ANXA8L1: variants seen among roughly 807,000 people sequenced by gnomAD.
The protein encoded by ANXA8L1 is annexin A8-like protein 1.
Under a neutral mutation model 22.5 loss-of-function variants are expected in ANXA8L1, and 10 were observed. The observed-to-expected ratio is 0.44, with a 90% CI of 0.27 to 0.75. ANXA8L1 has a LOEUF of 0.75. ANXA8L1 is among the 30% of genes least tolerant of loss of function. ANXA8L1 has a pLI of 0.15. For missense variants in ANXA8L1, 88 were observed against 219.6 expected, an observed-to-expected ratio of 0.40 and a Z score of 3.79; for synonymous variants, 36 against 86.0, an observed-to-expected ratio of 0.42 and a Z score of 3.22.
In ANXA8L1 at chr10:46,389,873, C is replaced by T. The variant is rs2801064; in HGVS notation, c.925-998C>T. 2.4e-3 allele frequency among the ~76,000 whole-genome samples: 364 copies of T among 151,066 alleles called. 7 individuals carry two copies. The highest frequency in any genetic ancestry group is 0.014 in the Middle Eastern group (4 of 292). On this transcript the variant is annotated intron_variant, in intron 11 of 11. Coordinates refer to ENST00000619162, the MANE Select transcript of ANXA8L1 (RefSeq NM_001098845.3). ...CTCCAGCCTGGGTGACAGAGTGAGA[C>T]CGTGTCTAGAAAGGAAAAAGTTAAA... is the stretch of plus-strand genomic sequence containing the variant.
At chr10:46,390,512 G>A (rs1317499310) in intron 11 of ANXA8L1, among the ~76,000 whole-genome samples, 1 of 143,932 alleles carries the variant, frequency 6.9e-6, no homozygotes, top group Non-Finnish European at 1.5e-5. Context: ...GCCACAGCAG[G>A]TGTTGAATAA....
chr10:46,381,194 C>CCAAGA lies in ANXA8L1; in HGVS notation c.161_162insCAAGA (p.Gln55LysfsTer23). ...GATGTGCTCACCAAGAGAAGCAACA[C>CCAAGA]GCAGCGGCAGCAGATCGCCAAGTCC... is the stretch of plus-strand genomic sequence containing the variant. On this transcript the variant is annotated frameshift_variant, in exon 3 of 12. Coordinates refer to ENST00000619162, the MANE Select transcript of ANXA8L1 (RefSeq NM_001098845.3). LOFTEE classifies it high-confidence loss of function. The CCAAGA allele has an allele frequency of 1.3e-6, 1 of 744,718 alleles. No homozygotes were observed. The highest frequency in any genetic ancestry group is 1.9e-6 in the Non-Finnish European group (1 of 519,372). The allele number at this position is 744,718 out of a possible 1,614,324, so 46.1% of individuals were successfully genotyped here.
At chr10:46,376,226 GCACACA>G in intron 1 of ANXA8L1, among the ~76,000 whole-genome samples, 1 of 135,282 alleles carries the variant, frequency 7.4e-6, no homozygotes, top group Non-Finnish European at 1.6e-5. Context: ...TGTATGGGGT[GCACACA>G]CGTGTGCATT....
At chr10:46,389,495 G>C (rs1328140516) in intron 11 of ANXA8L1, among the ~76,000 whole-genome samples, 3 of 150,412 alleles carry the variant, frequency 2.0e-5, no homozygotes, top group African/African-American at 7.5e-5. Context: ...TGTTACTTAA[G>C]AAAATTGAGT....
At chr10:46,385,036 G>T (rs1266046860) in intron 7 of ANXA8L1, among the ~76,000 whole-genome samples, 1 of 120,194 alleles carries the variant, frequency 8.3e-6, no homozygotes, top group African/African-American at 3.5e-5. Flanking sequence ...GGGTGGGGGA[G>T]CACTAAAGCT....
At chr10:46,389,754 C>T (rs1462329431) in intron 11 of ANXA8L1, among the ~76,000 whole-genome samples, 1 of 151,526 alleles carries the variant, frequency 6.6e-6, no homozygotes, top group Non-Finnish European at 1.5e-5. Context: ...TAGTGGCCCA[C>T]ACCTGTAATC....
In ANXA8L1 at chr10:46,375,859, G is replaced by C. The variant is rs1212253751; in HGVS notation, c.8G>C (p.Trp3Ser). The change falls in exon 1 of 12, where the codon TGG becomes TCG. Residue 3 changes from tryptophan to serine, a missense_variant. Coordinates refer to ENST00000619162, the MANE Select transcript of ANXA8L1 (RefSeq NM_001098845.3). ...GCCCCCGAAGTGAAAGAGATGGCCT[G>C]GTGGAAAGCCTGGGTAAGTGGGAGC... MA[W>S]WKAWIEQEGV... 6.3e-7 allele frequency: 1 copy of C among 1,596,060 alleles called. No individual in the cohort carries two copies. The highest frequency in any genetic ancestry group is 1.1e-5 in the South Asian group (1 of 90,344).
intron 1 of ANXA8L1, among the ~76,000 whole-genome samples, chr10:46,377,808 G>A (rs1395572873): frequency 0.21 from 25,034 of 118,834 alleles, 1,272 homozygotes; most frequent in East Asian, 0.39. Flanking sequence ...ACGTAGCAGG[G>A]GAAGGCCAAG....
chr10:46,384,887 G>A (rs1310268510), intron 7 of ANXA8L1, 54 bp downstream of exon 7: 16 of 1,609,566 alleles, frequency 9.9e-6, no homozygotes, highest in East Asian at 8.9e-5. Flanking sequence ...TCTGGACTCC[G>A]GCTCCTCTGC....
chr10:46,377,754 GTCTC>G (rs1418636930), intron 1 of ANXA8L1, among the ~76,000 whole-genome samples: 14 of 116,164 alleles, frequency 1.2e-4, no homozygotes, highest in Non-Finnish European at 2.0e-4. Context: ...TTTCCTCTGT[GTCTC>G]TCATAGAGAC....
At chr10:46,378,938 G>A (rs1299294285) in intron 1 of ANXA8L1, among the ~76,000 whole-genome samples, 3 of 134,010 alleles carry the variant, frequency 2.2e-5, no homozygotes, top group African/African-American at 6.5e-5. Context: ...GGATGGGTGG[G>A]TGGATGGATG....
intron 11 of ANXA8L1, among the ~76,000 whole-genome samples, chr10:46,390,254 A>C (rs1840064806): frequency 6.7e-6 from 1 of 150,168 alleles, no homozygotes; most frequent in African/African-American, 2.5e-5. Flanking sequence ...CAGGAGACAA[A>C]CACTGTGGAC....
intron 11 of ANXA8L1, among the ~76,000 whole-genome samples, chr10:46,390,041 C>A (rs1269981349): frequency 1.3e-5 from 2 of 150,592 alleles, no homozygotes; most frequent in African/African-American, 4.9e-5. Flanking sequence ...CAGTCTACCC[C>A]TTACTCACCA....
chr10:46,389,156 C>G, intron 11 of ANXA8L1, among the ~76,000 whole-genome samples: 1 of 108,218 alleles, frequency 9.2e-6, no homozygotes, highest in Non-Finnish European at 1.9e-5. Context: ...CTGCAAATGT[C>G]GTTGTTAAGT....
chr10:46,389,806 C>T (rs1328574009), intron 11 of ANXA8L1, among the ~76,000 whole-genome samples: 13 of 151,526 alleles, frequency 8.6e-5, no homozygotes, highest in Non-Finnish European at 1.6e-4. Flanking sequence ...CGCTTGAGCC[C>T]AGGAGTCCAA....
rs1840024308 is a variant in ANXA8L1, at chr10:46,385,352, T to A, written c.553-28T>A. The A allele has an allele frequency of 1.8e-5, 14 of 783,530 alleles. 1 individual carries two copies. Among genetic ancestry groups the A allele is most frequent in the Middle Eastern group, 7.8e-4 (2 of 2,572 alleles). The allele number at this position is 783,530 out of a possible 1,614,324, so 48.5% of individuals were successfully genotyped here. ...CCCTCACCTCCCTGGTCTCCCTCAC[T>A]GGCTTATTGTGGGTGTCCCAATGCT... On this transcript the variant is annotated intron_variant, in intron 7 of 11. Transcript: ENST00000619162.
chr10:46,383,178 T>A (rs1839996906), intron 4 of ANXA8L1, among the ~76,000 whole-genome samples: 1 of 124,854 alleles, frequency 8.0e-6, no homozygotes, highest in South Asian at 2.8e-4. Flanking sequence ...TATTCCTGTT[T>A]ATGGATCGGG....
rs77623921 is a variant in ANXA8L1, at chr10:46,384,806, C to T, written c.525C>T (p.Asp175=). 230,932 of 1,595,612 alleles carry T rather than the reference C, an allele frequency of 0.14. 8,957 individuals are homozygous for T. The highest frequency in any genetic ancestry group is 0.15 in the South Asian group (13,628 of 89,908). ...GGGATGATGTGAGCAGCTTTGTGGA[C>T]CCGGCACTGGCCCTCCAAGACGCAC... is the stretch of plus-strand genomic sequence containing the variant. The part of the protein sequence containing the change: ...GSRDDVSSFV[D]PALALQDAQD... Residue 175 remains aspartate, a synonymous_variant, in exon 7 of 12, where the codon GAC becomes GAT. Transcript: ENST00000619162.
intron 1 of ANXA8L1, among the ~76,000 whole-genome samples, chr10:46,377,835 G>T (rs1470118905): frequency 8.2e-6 from 1 of 121,836 alleles, no homozygotes; most frequent in Non-Finnish European, 1.7e-5. Context: ...CAGCTCCCCT[G>T]TGCCTGTCAC....
Sources: allele counts gnomAD v4.1 joint callset (sites outside exome capture counted in the v4.1 genomes callset), GRCh38; gene constraint gnomAD v4.1.1; transcripts MANE v1.5; gene names NCBI Gene and HGNC (gene_info 2026-07-23, HGNC 2026-07-21).